Variants in ZC3H3 observed in about 807,000 individuals in gnomAD.
The protein encoded by ZC3H3 is zinc finger CCCH-type containing 3.
Under a neutral mutation model 77.3 loss-of-function variants are expected in ZC3H3, and 36 were observed. The ratio of observed to expected loss-of-function variants is 0.47; its 90% confidence interval spans 0.36 to 0.61. The LOEUF (loss-of-function observed/expected upper bound fraction) is 0.61. Among genes scored for constraint, ZC3H3 ranks in the 20% least tolerant of loss-of-function variants. The pLI is 0.00. For synonymous variants in ZC3H3, 626 were observed against 555.2 expected, an observed-to-expected ratio of 1.13 and a Z score of -1.79; for missense variants, 1,331 against 1,312.2, an observed-to-expected ratio of 1.01 and a Z score of -0.22.
At chr8:143,484,865 C>G in intron 4 of ZC3H3, 1 of 455,624 alleles carries the variant, frequency 2.2e-6, no homozygotes, top group South Asian at 1.6e-5. Flanking sequence ...CTCCGAAGAC[C>G]ACACAGCAAA....
rs1166264863 is a variant in ZC3H3, at chr8:143,468,781, C to T, written c.1904-122G>A. On this transcript the variant is annotated intron_variant, in intron 5 of 11. Coordinates refer to ENST00000262577, the MANE Select transcript of ZC3H3 (RefSeq NM_015117.3). ...ACACTCAGCTCAGGCACAGCCTCCC[C>T]TCCAGGAAACTGCCCAGAGCTCCCC... 4 of 1,286,774 alleles carry T rather than the reference C, an allele frequency of 3.1e-6. No individual in the cohort carries two copies. The African/African-American group carries it at 6.0e-5, about 19-fold the overall frequency. 79.7% of individuals were successfully genotyped at this position (1,286,774 alleles called of 1,614,324 possible).
At chr8:143,472,802 G>A (rs1820610741) in intron 5 of ZC3H3, among the ~76,000 whole-genome samples, 1 of 152,236 alleles carries the variant, frequency 6.6e-6, no homozygotes, top group Non-Finnish European at 1.5e-5. Context: ...GGTGCACGGT[G>A]CAGGGAGAAT....
chr8:143,491,138 G>A (rs1365432750), intron 4 of ZC3H3, among the ~76,000 whole-genome samples: 1 of 152,146 alleles, frequency 6.6e-6, no homozygotes. Context: ...CCACGGCTGG[G>A]CAGATGGGGC....
At chr8:143,464,968 T>C (rs1820368228) in intron 9 of ZC3H3, among the ~76,000 whole-genome samples, 2 of 118,808 alleles carry the variant, frequency 1.7e-5, no homozygotes, top group South Asian at 4.9e-4. Flanking sequence ...CTGGAGATGC[T>C]GAGGCCACGC....
chr8:143,440,297 G>A lies in ZC3H3; in HGVS notation c.2559C>T (p.Ala853=), dbSNP rs531434008. The change falls in exon 11 of 12, where the codon GCC becomes GCT. Residue 853 remains alanine, a synonymous_variant. Transcript: ENST00000262577. ...CTGGGCAGTGGGGAGGTGCAGCCAC[G>A]GCAGCCGCAGTGAGGGCAGCCGAGC... is the stretch of plus-strand genomic sequence containing the variant. ...TPSSAALTAA[A]VAAPPHCPGG... 2.0e-5 allele frequency: 32 copies of A among 1,566,338 alleles called. 1 individual carries two copies. The highest frequency in any genetic ancestry group is 1.7e-4 in the South Asian group (15 of 86,192).
chr8:143,468,654 G>A lies in ZC3H3; in HGVS notation c.1909C>T (p.Leu637=). 1 of 1,550,660 alleles carries A rather than the reference G, an allele frequency of 6.4e-7. No individual in the cohort carries two copies. The highest frequency in any genetic ancestry group is 8.7e-7 in the Non-Finnish European group (1 of 1,147,510). The change falls in exon 6 of 12, where the codon CTG becomes TTG. Residue 637 remains leucine (L), a synonymous_variant. Transcript: ENST00000262577. ...CGGCTACAGCTGCCTGCAGGATCCA[G>A]CCGGCCTGTGGGGGAGAGAGGCACG... The part of the protein sequence containing the change: ...GSRPLLRTGR[L]DPAGSCSRSL...
intron 11 of ZC3H3, among the ~76,000 whole-genome samples, chr8:143,439,500 T>TA (rs1169058191): frequency 6.6e-6 from 1 of 152,186 alleles, no homozygotes; most frequent in Non-Finnish European, 1.5e-5. Context: ...TTTTCTCTCC[T>TA]AAACAAGGCT....
intron 9 of ZC3H3, among the ~76,000 whole-genome samples, chr8:143,452,323 G>A (rs1820008758): frequency 6.6e-6 from 1 of 152,092 alleles, no homozygotes; most frequent in Non-Finnish European, 1.5e-5. Flanking sequence ...GTTCAGGGAA[G>A]GTCTGTTTTC....
At chr8:143,448,975 C>G (rs902742993) in intron 9 of ZC3H3, among the ~76,000 whole-genome samples, 3 of 152,216 alleles carry the variant, frequency 2.0e-5, no homozygotes, top group African/African-American at 7.2e-5. Flanking sequence ...TGGTTTGCAC[C>G]CCCTGAAGCA....
chr8:143,444,481 CGA>C (rs1819818757), intron 9 of ZC3H3, among the ~76,000 whole-genome samples: 1 of 152,142 alleles, frequency 6.6e-6, no homozygotes, highest in African/African-American at 2.4e-5. Flanking sequence ...AAATTATAAA[CGA>C]GAGTCTTGCA....
intron 1 of ZC3H3, 150 bp downstream of exon 1, chr8:143,541,226 A>C: frequency 6.8e-7 from 1 of 1,461,252 alleles, no homozygotes; most frequent in Middle Eastern, 2.4e-4. Flanking sequence ...GAGCCGGCCC[A>C]CAAGTCCTGG....
intron 9 of ZC3H3, among the ~76,000 whole-genome samples, chr8:143,450,280 G>A (rs1030805071): frequency 6.6e-6 from 1 of 152,124 alleles, no homozygotes; most frequent in East Asian, 1.9e-4. Flanking sequence ...CTCCAGGTTC[G>A]ACCGATTCTC....
At chr8:143,495,864 C>T (rs372957320) in intron 4 of ZC3H3, among the ~76,000 whole-genome samples, 1 of 151,484 alleles carries the variant, frequency 6.6e-6, no homozygotes, top group African/African-American at 2.4e-5. Flanking sequence ...AGCCTCCCAA[C>T]GTGCTGTGAT....
Position 143,462,943 on chromosome 8 carries a change from G to A in ZC3H3, c.2307+2774C>T, listed in dbSNP as rs1226957539. Among the ~76,000 whole-genome samples the A allele has an allele frequency of 6.7e-6, 1 of 150,212 alleles. No individual in the cohort carries two copies. The highest frequency in any genetic ancestry group is 1.5e-5 in the Non-Finnish European group (1 of 67,760). ...ACCAGGGCGCCCTGCAGGAGCAGCT[G>A]TCCCACCTAGAGCCACCAGGAGCAG... On this transcript the variant is annotated intron_variant, in intron 9 of 11. Coordinates refer to ENST00000262577, the MANE Select transcript of ZC3H3 (RefSeq NM_015117.3). The surrounding 1 kb of genome is among the most constrained non-coding windows in gnomAD (Gnocchi z 4.7).
intron 9 of ZC3H3, among the ~76,000 whole-genome samples, chr8:143,458,075 G>A (rs1820167023): frequency 6.6e-6 from 1 of 152,036 alleles, no homozygotes; most frequent in South Asian, 2.1e-4. Flanking sequence ...TCAATAAATT[G>A]ACAAACCTCT....
At position 143,538,481 on chromosome 8, in the gene ZC3H3, A is replaced by G; in HGVS notation, c.886T>C (p.Ser296Pro). 6.2e-7 allele frequency: 1 copy of G among 1,612,972 alleles called. No individual in the cohort carries two copies. The highest frequency in any genetic ancestry group is 1.1e-5 in the South Asian group (1 of 91,088). The change falls in exon 2 of 12, where the codon TCG becomes CCG. Residue 296 changes from serine to proline, a missense_variant. Coordinates refer to ENST00000262577, the MANE Select transcript of ZC3H3 (RefSeq NM_015117.3). Reference protein sequence around the residue: ...ASGPRQAREASLVVTCRTNKF... With the variant: ...ASGPRQAREAPLVVTCRTNKF... ...TTAGTTCGACAGGTCACAACCAGCG[A>G]GGCCTCCCGGGCCTGCCTGGGTCCT...
chr8:143,446,299 G>A (rs1292681971), intron 9 of ZC3H3, among the ~76,000 whole-genome samples: 2 of 152,132 alleles, frequency 1.3e-5, no homozygotes, highest in East Asian at 1.9e-4. Flanking sequence ...AAAATGTAAA[G>A]AAAACTATAA....
At position 143,494,697 on chromosome 8, in the gene ZC3H3, A is replaced by T. The variant is rs1377304666; in HGVS notation, c.1715+13049T>A. ...GGAACACAGCCCCCAGAGGGCCAGG[A>T]GCCCCCACACTCACCCTGAGACCCT... On this transcript the variant is annotated intron_variant, in intron 4 of 11. Transcript: ENST00000262577. The surrounding 1 kb of genome is among the most constrained non-coding windows in gnomAD (Gnocchi z 5.3). Among the ~76,000 whole-genome samples, 4 of 152,312 alleles carry T rather than the reference A, an allele frequency of 2.6e-5. No homozygotes were observed. The East Asian group carries it at 7.7e-4, about 29-fold the overall frequency.
At position 143,440,363 on chromosome 8, in the gene ZC3H3, C is replaced by G. The variant is rs753763545; in HGVS notation, c.2493G>C (p.Arg831Ser). 4 of 1,521,088 alleles carry G rather than the reference C, an allele frequency of 2.6e-6. No individual in the cohort carries two copies. The South Asian group carries it at 5.1e-5, about 19-fold the overall frequency. 94.2% of individuals were successfully genotyped at this position (1,521,088 alleles called of 1,614,324 possible). A position where few individuals can be genotyped will look rare whatever the true frequency, so the allele number is the denominator to read the frequency against. ...RSRVSASHGP[R>S]KPSASQRPTR... ...TGGGGCGCTGGGATGCTGAAGGCTT[C>G]CTGCAGGGAAGGAAGGGGCAGACGT... Residue 831 changes from arginine (R) to serine (S), a missense_variant and splice_region_variant, in exon 11 of 12, where the codon AGG (arginine) becomes AGC (serine). This residue lies in a region of ZC3H3 where 249 missense variants were observed against 236.9 expected (regional missense o/e 1.05). Transcript: ENST00000262577.
Sources: gnomAD v4.1 joint callset for allele counts (sites outside exome capture counted in the v4.1 genomes callset) on GRCh38, gnomAD v4.1.1 for gene constraint, gnomAD v4.1.1 regional missense constraint, Gnocchi (gnomAD v3.1) non-coding constraint, MANE v1.5 for transcripts, NCBI Gene and HGNC (gene_info 2026-07-23, HGNC 2026-07-21) for gene names.